CSMD3: variants seen among roughly 807,000 people sequenced by gnomAD.
CSMD3 encodes the protein CUB and Sushi multiple domains 3, also known as CUB and sushi domain-containing protein 3.
A neutral mutation model predicts 435.2 loss-of-function variants in CSMD3; 177 were observed. The ratio of observed to expected loss-of-function variants is 0.41; its 90% CI spans 0.36 to 0.46. The LOEUF is 0.46. Among genes scored for constraint, CSMD3 ranks in the 20% least tolerant of loss-of-function variants. The pLI, the probability that CSMD3 is intolerant of heterozygous loss-of-function variation, is 0.34. For synonymous variants in CSMD3, 1,656 were observed against 1,520.5 expected (o/e 1.09, Z -2.07); for missense variants, 4,265 against 4,504.6 (o/e 0.95, Z 1.52).
At chr8:112,645,269 G>A (rs2074948274) in intron 19 of CSMD3, 44 bp from the exon 20 acceptor site, 3 of 1,039,254 alleles carry the variant, frequency 2.9e-6, no homozygotes, top group Non-Finnish European at 4.6e-6. Flanking sequence ...CAGTGAGAGA[G>A]ACAGAGGGTG....
chr8:113,259,629 A>G (rs924470522), intron 3 of CSMD3, among the ~76,000 whole-genome samples: 6 of 152,152 alleles, frequency 3.9e-5, no homozygotes, highest in Non-Finnish European at 7.3e-5. Flanking sequence ...CTAGAAATAA[A>G]AAGCAGGAGG....
intron 6 of CSMD3, among the ~76,000 whole-genome samples, chr8:112,976,860 TAAC>T (rs2084867338): frequency 6.6e-6 from 1 of 151,976 alleles, no homozygotes; most frequent in Non-Finnish European, 1.5e-5. Flanking sequence ...GGTTGAAACT[TAAC>T]TATTATTATA....
At chr8:112,612,845 G>A (rs568202283) in intron 22 of CSMD3, among the ~76,000 whole-genome samples, 1 of 149,352 alleles carries the variant, frequency 6.7e-6, no homozygotes, top group Non-Finnish European at 1.5e-5. Context: ...AGCTTCCAGA[G>A]ACACCGAAAT....
At chr8:113,033,235 A>G (rs968939462) in intron 5 of CSMD3, among the ~76,000 whole-genome samples, 7 of 151,582 alleles carry the variant, frequency 4.6e-5, no homozygotes, top group African/African-American at 1.7e-4. Context: ...AGAAAGGTAG[A>G]TCTAACGACA....
At chr8:113,391,057 A>C (rs1474901576) in intron 1 of CSMD3, among the ~76,000 whole-genome samples, 1 of 152,014 alleles carries the variant, frequency 6.6e-6, no homozygotes, top group African/African-American at 2.4e-5. Flanking sequence ...AGAAACTGCA[A>C]ATGGGTGCAA....
At chr8:112,812,661 C>T (rs948859060) in intron 12 of CSMD3, among the ~76,000 whole-genome samples, 1 of 152,048 alleles carries the variant, frequency 6.6e-6, no homozygotes, top group Admixed American at 6.6e-5. Flanking sequence ...GCTGCAGTCC[C>T]GAACAGATTT....
chr8:112,704,773 G>A (rs1325829738), intron 13 of CSMD3, among the ~76,000 whole-genome samples: 1 of 151,974 alleles, frequency 6.6e-6, no homozygotes, highest in Admixed American at 6.6e-5. Context: ...ACAAATGTAC[G>A]TACTTCAAAC....
chr8:112,586,904 A>G (rs1346533935), intron 23 of CSMD3, among the ~76,000 whole-genome samples, 162 bp downstream of exon 23: 3 of 151,696 alleles, frequency 2.0e-5, no homozygotes, highest in African/African-American at 7.2e-5. Context: ...ACAATAATAG[A>G]AAATGAGAAT....
At chr8:112,741,418 T>C (rs536253376) in intron 13 of CSMD3, among the ~76,000 whole-genome samples, 80 of 151,924 alleles carry the variant, frequency 5.3e-4, no homozygotes, top group Non-Finnish European at 1.0e-3. Flanking sequence ...CTGACAATTA[T>C]AGTAATTATA....
At chr8:113,236,823 C>CTCTATCTA (rs367857240) in intron 3 of CSMD3, among the ~76,000 whole-genome samples, 1 of 151,714 alleles carries the variant, frequency 6.6e-6, no homozygotes, top group South Asian at 2.1e-4. Context: ...CTATCTATCT[C>CTCTATCTA]TCTATCTATC....
At chr8:112,482,143 C>T (rs960588621) in intron 31 of CSMD3, among the ~76,000 whole-genome samples, 1 of 152,180 alleles carries the variant, frequency 6.6e-6, no homozygotes, top group African/African-American at 2.4e-5. Context: ...TTAGATTTCC[C>T]TGGCTAGGAA....
intron 10 of CSMD3, among the ~76,000 whole-genome samples, chr8:112,906,454 GCAAC>G (rs1182073429): frequency 1.3e-5 from 2 of 150,862 alleles, no homozygotes; most frequent in South Asian, 2.1e-4. Context: ...AAGCAAGCAA[GCAAC>G]CAACCAACCA....
intron 5 of CSMD3, among the ~76,000 whole-genome samples, chr8:113,074,850 T>C (rs985518809): frequency 7.2e-5 from 11 of 151,784 alleles, no homozygotes; most frequent in Admixed American, 5.3e-4. Flanking sequence ...TATGGCTTCA[T>C]ACATAAAAAC....
At chr8:113,013,693 G>T (rs2086344362) in intron 6 of CSMD3, among the ~76,000 whole-genome samples, 2 of 152,028 alleles carry the variant, frequency 1.3e-5, no homozygotes, top group South Asian at 4.1e-4. Flanking sequence ...AGGATCCACT[G>T]GCTCCAACCA....
intron 3 of CSMD3, among the ~76,000 whole-genome samples, chr8:113,261,589 T>G (rs2093427894): frequency 6.6e-6 from 1 of 152,100 alleles, no homozygotes; most frequent in Non-Finnish European, 1.5e-5. Flanking sequence ...TAAGTGTCAC[T>G]TCTTCCCTTG....
At chr8:113,139,243 A>G (rs1421793486) in intron 4 of CSMD3, among the ~76,000 whole-genome samples, 1 of 151,076 alleles carries the variant, frequency 6.6e-6, no homozygotes, top group Admixed American at 6.6e-5. Flanking sequence ...GAAATATTAG[A>G]AGGAAAAAAT....
intron 6 of CSMD3, among the ~76,000 whole-genome samples, chr8:112,981,829 T>G (rs754080972): frequency 9.2e-5 from 14 of 151,692 alleles, no homozygotes; most frequent in Admixed American, 1.3e-4. Context: ...TATGGAAATA[T>G]CAAAACTTTT....
At chr8:113,087,350 A>G (rs1264201818) in intron 5 of CSMD3, among the ~76,000 whole-genome samples, 12 of 151,896 alleles carry the variant, frequency 7.9e-5, no homozygotes, top group African/African-American at 2.2e-4. Flanking sequence ...AGAATTGGAA[A>G]AAACTACTTT....
intron 25 of CSMD3, among the ~76,000 whole-genome samples, chr8:112,556,047 G>A (rs1346992199): frequency 2.0e-5 from 3 of 151,470 alleles, no homozygotes; most frequent in Non-Finnish European, 4.4e-5. Context: ...CTACAAAGTT[G>A]TTTTCCTTTG....
Sources: gnomAD v4.1 joint callset for allele counts (sites outside exome capture counted in the v4.1 genomes callset) on GRCh38, gnomAD v4.1.1 for gene constraint, MANE v1.5 for transcripts, NCBI Gene and HGNC (gene_info 2026-07-23, HGNC 2026-07-21) for gene names.